The following EPB41L1 variants were observed in gnomAD, a reference collection of about 807,000 sequenced individuals.
EPB41L1 encodes band 4.1-like protein 1.
Under a neutral mutation model 97.8 loss-of-function variants are expected in EPB41L1, and 29 were observed. That is an observed-to-expected ratio of 0.30 (90% CI 0.22 to 0.40). The LOEUF (loss-of-function observed/expected upper bound fraction) is 0.40, where lower values mean the gene tolerates loss of function less well. Ranked by LOEUF, EPB41L1 falls within the 10% of genes least tolerant of loss-of-function variation. The pLI, the probability that EPB41L1 is intolerant of heterozygous loss-of-function variation, is 1.00. For synonymous variants in EPB41L1, 383 were observed against 459.2 expected (o/e 0.83, Z 2.12); for missense variants, 812 against 1,162.3 (o/e 0.70, Z 4.38).
At chr20:36,106,062 G>A (rs2058181655) in intron 1 of EPB41L1, among the ~76,000 whole-genome samples, 1 of 151,556 alleles carries the variant, frequency 6.6e-6, no homozygotes, top group Admixed American at 6.5e-5. Flanking sequence ...TGCTCTTAGG[G>A]GAGGTGTGGG....
At chr20:36,175,817 C>T in intron 3 of EPB41L1, 102 bp downstream of exon 3, 1 of 1,248,448 alleles carries the variant, frequency 8.0e-7, no homozygotes, top group Non-Finnish European at 1.2e-6. Context: ...CCAGAGGAGT[C>T]CTGGACCAGT....
At chr20:36,100,963 G>A (rs546146300) in intron 1 of EPB41L1, among the ~76,000 whole-genome samples, 9 of 152,298 alleles carry the variant, frequency 5.9e-5, no homozygotes, top group Admixed American at 4.6e-4. Context: ...CACTGCATCG[G>A]TATGGGGGGT....
chr20:36,153,580 G>A (rs189227344), upstream of EPB41L1, among the ~76,000 whole-genome samples: 1 of 152,312 alleles, frequency 6.6e-6, no homozygotes, highest in Admixed American at 6.5e-5. Context: ...TGGACCCATG[G>A]ACAGAAATCT....
intron 1 of EPB41L1, among the ~76,000 whole-genome samples, chr20:36,102,532 C>G (rs1569012122): frequency 6.6e-6 from 1 of 152,148 alleles, no homozygotes. Context: ...CTCAGTTTTC[C>G]TAGCTGTAAA....
chr20:36,226,744 T>C (rs927490337), intron 21 of EPB41L1, among the ~76,000 whole-genome samples: 2 of 152,222 alleles, frequency 1.3e-5, no homozygotes, highest in African/African-American at 4.8e-5. Flanking sequence ...TGTGCTGTGC[T>C]GTAATAAACC....
At chr20:36,226,947 A>T (rs2064196356) in intron 21 of EPB41L1, among the ~76,000 whole-genome samples, 1 of 152,180 alleles carries the variant, frequency 6.6e-6, no homozygotes, top group African/African-American at 2.4e-5. Flanking sequence ...AAACCAAACC[A>T]AAACCAATGC....
At chr20:36,183,288 CCTT>C (rs984294973) in intron 6 of EPB41L1, among the ~76,000 whole-genome samples, 6 of 152,210 alleles carry the variant, frequency 3.9e-5, no homozygotes, top group Non-Finnish European at 8.8e-5. Context: ...TTGGGTCCCT[CCTT>C]CATCTTCATG....
At chr20:36,177,604 C>T (rs1219976470) in intron 3 of EPB41L1, among the ~76,000 whole-genome samples, 1 of 152,214 alleles carries the variant, frequency 6.6e-6, no homozygotes, top group Non-Finnish European at 1.5e-5. Flanking sequence ...ACTTGCTTTT[C>T]TGCCCCTTCG....
Position 36,206,692 on chromosome 20 carries a change from C to T in EPB41L1, c.1669-2796C>T. On this transcript the variant is annotated intron_variant, in intron 14 of 21. Transcript: ENST00000338074. This position sits in a 1 kb window ranked among gnomAD's most constrained non-coding sequence, Gnocchi z 5.5. Reference sequence around the variant, plus strand: ...AGGGACCCCCAAGAACCATGGAGGACCTGGTGACCTGAAGGGATCTCCCGC... The same window carrying T: ...AGGGACCCCCAAGAACCATGGAGGATCTGGTGACCTGAAGGGATCTCCCGC... 7.8e-7 allele frequency: 1 copy of T among 1,289,858 alleles called. No individual in the cohort carries two copies. Among genetic ancestry groups the T allele is most frequent in the Non-Finnish European group, 1.0e-6 (1 of 988,880 alleles). 79.9% of individuals were successfully genotyped at this position (1,289,858 alleles called of 1,614,324 possible).
rs554391598 is a variant in EPB41L1 at position 36,119,671 on chromosome 20, G to A, written c.-10+7191G>A. On this transcript the variant is annotated intron_variant, in intron 2 of 19. Transcript: ENST00000202028. ...GGAGGGGAGGGGAGGGGAGAGGAGG[G>A]GAAGGGAGGGGAAGGGAAGGAAAGG... Among the ~76,000 whole-genome samples the A allele has an allele frequency of 9.5e-4, 143 of 149,744 alleles. 1 individual carries two copies. The highest frequency in any genetic ancestry group is 1.7e-3 in the Non-Finnish European group (113 of 67,300).
chr20:36,162,709 C>A (rs2060582651), intron 1 of EPB41L1, among the ~76,000 whole-genome samples: 1 of 152,196 alleles, frequency 6.6e-6, no homozygotes, highest in Non-Finnish European at 1.5e-5. Flanking sequence ...GTCACGTGGT[C>A]CCCAGCCCAC....
At chr20:36,143,137 T>TTGTGTGTGTGTGTG (rs59256378) in intron 2 of EPB41L1, among the ~76,000 whole-genome samples, 18 of 130,820 alleles carry the variant, frequency 1.4e-4, no homozygotes, top group African/African-American at 3.9e-4. Flanking sequence ...GAGGGTGTGT[T>TTGTGTGTGTGTGTG]TGTGTGTGTG....
rs1428331718 is a variant in EPB41L1, at chr20:36,206,483, A to T, written c.1669-3005A>T. The T allele has an allele frequency of 1.6e-6, 2 of 1,289,886 alleles. No homozygotes were observed. Among genetic ancestry groups the T allele is most frequent in the Non-Finnish European group, 2.0e-6 (2 of 988,886 alleles). The allele number at this position is 1,289,886 out of a possible 1,614,324, so 79.9% of individuals were successfully genotyped here. A position where few individuals can be genotyped will look rare whatever the true frequency, so the allele number is the denominator to read the frequency against. ...GCAGAGAGGAGCTTCTATTTAAATT[A>T]TGAAGAAAAAGACTCAGAAGACCAA... On this transcript the variant is annotated intron_variant, in intron 14 of 21. Coordinates refer to ENST00000338074, the MANE Select transcript of EPB41L1 (RefSeq NM_012156.2). This position sits in a 1 kb window ranked among gnomAD's most constrained non-coding sequence, Gnocchi z 5.5.
chr20:36,179,867 G>A (rs540270251), intron 5 of EPB41L1, among the ~76,000 whole-genome samples: 6 of 152,340 alleles, frequency 3.9e-5, no homozygotes, highest in South Asian at 4.1e-4. Context: ...TGCACTCCTC[G>A]GGGGGCTGAC....
chr20:36,207,803 G>A lies in EPB41L1; in HGVS notation c.1669-1685G>A, dbSNP rs552375675. ...GGGGTAACTGGCCGCGTGAGCCCCCGCCCCCACCGCTGCTCCCCGCCCATG... is the reference window on the plus strand; with the variant it reads ...GGGGTAACTGGCCGCGTGAGCCCCCACCCCCACCGCTGCTCCCCGCCCATG... On this transcript the variant is annotated intron_variant, in intron 14 of 21. Coordinates refer to ENST00000338074, the MANE Select transcript of EPB41L1 (RefSeq NM_012156.2). This position sits in a 1 kb window ranked among gnomAD's most constrained non-coding sequence, Gnocchi z 4.9. The A allele has an allele frequency of 3.8e-5, 48 of 1,277,830 alleles. No individual in the cohort carries two copies. Among genetic ancestry groups the A allele is most frequent in the East Asian group, 2.8e-4 (5 of 17,892 alleles). 79.2% of individuals were successfully genotyped at this position (1,277,830 alleles called of 1,614,324 possible).
chr20:36,227,483 T>C (rs1569397030), intron 21 of EPB41L1, among the ~76,000 whole-genome samples: 2 of 152,194 alleles, frequency 1.3e-5, no homozygotes, highest in South Asian at 4.1e-4. Context: ...CTGTAATAAC[T>C]AAACAACACC....
At chr20:36,172,634 A>G (rs2061042449) in intron 1 of EPB41L1, among the ~76,000 whole-genome samples, 1 of 151,864 alleles carries the variant, frequency 6.6e-6, no homozygotes, top group Admixed American at 6.6e-5. Context: ...GGAGTCTCAC[A>G]CTGTTGCCCA....
In EPB41L1 at chr20:36,212,452, AACCCC is replaced by A; in HGVS notation, c.2184+77_2184+81del. On this transcript the variant is annotated intron_variant, in intron 16 of 21. Coordinates refer to ENST00000338074, the MANE Select transcript of EPB41L1 (RefSeq NM_012156.2). This position sits in a 1 kb window ranked among gnomAD's most constrained non-coding sequence, Gnocchi z 4.8. Reference sequence around the variant, plus strand: ...GGTAGGGTCCCCACTGCTGTGGCCAAACCCCTTGGCCAGCTCTTTTAATCTCAGCT... The same window carrying A: ...GGTAGGGTCCCCACTGCTGTGGCCAATTGGCCAGCTCTTTTAATCTCAGCT... The A allele has an allele frequency of 3.2e-6, 4 of 1,259,290 alleles. No individual in the cohort carries two copies. The highest frequency in any genetic ancestry group is 4.6e-6 in the Non-Finnish European group (4 of 864,922). The allele number at this position is 1,259,290 out of a possible 1,614,324, so 78.0% of individuals were successfully genotyped here.
At chr20:36,205,864 G>C (rs909521873) in intron 14 of EPB41L1, 19 of 1,289,288 alleles carry the variant, frequency 1.5e-5, no homozygotes, top group Non-Finnish European at 1.9e-5. Context: ...AGAGCATTGG[G>C]TATTTATAGA....
Sources: gnomAD v4.1 joint callset for allele counts (sites outside exome capture counted in the v4.1 genomes callset) on GRCh38, gnomAD v4.1.1 for gene constraint, Gnocchi (gnomAD v3.1) non-coding constraint, MANE v1.5 for transcripts, NCBI Gene and HGNC (gene_info 2026-07-23, HGNC 2026-07-21) for gene names.